The following ERBIN variants were observed in gnomAD, a reference collection of about 807,000 sequenced individuals.
The protein encoded by ERBIN is erbb2 interacting protein.
Under a neutral mutation model 158.4 loss-of-function variants are expected in ERBIN, and 60 were observed. The ratio of observed to expected loss-of-function variants is 0.38; its 90% CI spans 0.31 to 0.47. The LOEUF is 0.47. ERBIN is among the 20% of genes least tolerant of loss of function. The pLI, the probability that ERBIN is intolerant of heterozygous loss-of-function variation, is 0.99. For missense variants in ERBIN, 1,610 were observed against 1,648.0 expected (o/e 0.98, Z 0.40); for synonymous variants, 594 against 557.2 (o/e 1.07, Z -0.93).
At chr5:66,062,132 A>AGG (rs897865954) in intron 21 of ERBIN, among the ~76,000 whole-genome samples, 9 of 136,094 alleles carry the variant, frequency 6.6e-5, no homozygotes, top group African/African-American at 3.4e-4. Context: ...AATATCCTGC[A>AGG]GTGTTTTCCA....
chr5:66,031,085 ACCTAGAAAATTTC>A (rs1756821544), intron 14 of ERBIN, among the ~76,000 whole-genome samples: 2 of 152,206 alleles, frequency 1.3e-5, no homozygotes, highest in South Asian at 4.1e-4. Context: ...AATCAGATAT[ACCTAGAAAATTTC>A]CCTTACCCTT....
At chr5:65,981,625 A>G (rs1402921048) in intron 1 of ERBIN, among the ~76,000 whole-genome samples, 1 of 151,734 alleles carries the variant, frequency 6.6e-6, no homozygotes, top group African/African-American at 2.4e-5. Flanking sequence ...CTATTTAAAA[A>G]TTTTGTTTTA....
rs1182419733 is a variant in ERBIN at position 66,076,642 on chromosome 5, T to C, written c.4057-233T>C. 1.7e-5 allele frequency: 10 copies of C among 597,742 alleles called. No homozygotes were observed. In the South Asian group the frequency reaches 1.8e-4, roughly 11 times the overall value. 37.0% of individuals were successfully genotyped at this position (597,742 alleles called of 1,614,324 possible). A position where few individuals can be genotyped will look rare whatever the true frequency, so the allele number is the denominator to read the frequency against. ...AATGAAATGATTTTTAACTTTCTTA[T>C]TGCTTTTTCACACACCTATAAAAGT... is the stretch of plus-strand genomic sequence containing the variant. On this transcript the variant is annotated intron_variant, in intron 24 of 25. Transcript: ENST00000284037.
chr5:65,977,120 G>T (rs1481591748), intron 1 of ERBIN, among the ~76,000 whole-genome samples: 4 of 150,512 alleles, frequency 2.7e-5, no homozygotes, highest in African/African-American at 9.8e-5. Flanking sequence ...TCACCTCCCG[G>T]ACGGGGCGGC....
intron 1 of ERBIN, among the ~76,000 whole-genome samples, chr5:65,930,953 C>T (rs1240195935): frequency 6.6e-6 from 1 of 152,138 alleles, no homozygotes; most frequent in African/African-American, 2.4e-5. Flanking sequence ...GTTCCAGACA[C>T]CATTGAATGA....
chr5:66,006,763 T>C (rs1753646439), intron 4 of ERBIN, among the ~76,000 whole-genome samples: 1 of 151,998 alleles, frequency 6.6e-6, no homozygotes, highest in South Asian at 2.1e-4. Flanking sequence ...AGAAGACACT[T>C]ATGCAGCCAA....
intron 5 of ERBIN, among the ~76,000 whole-genome samples, chr5:66,012,791 C>CTT (rs1273191706): frequency 6.6e-6 from 1 of 152,216 alleles, no homozygotes; most frequent in Non-Finnish European, 1.5e-5. Flanking sequence ...TAGATCTTTA[C>CTT]TTGTTTCATA....
chr5:65,938,610 TGGCGCAATCTG>T (rs1744380332), intron 1 of ERBIN, among the ~76,000 whole-genome samples: 2 of 152,282 alleles, frequency 1.3e-5, no homozygotes, highest in South Asian at 4.1e-4. Flanking sequence ...TGGATTGCAG[TGGCGCAATCTG>T]GGCTCATTGC....
At chr5:65,979,990 T>C (rs1310968224) in intron 1 of ERBIN, among the ~76,000 whole-genome samples, 1 of 152,098 alleles carries the variant, frequency 6.6e-6, no homozygotes, top group Non-Finnish European at 1.5e-5. Flanking sequence ...CTATGATGAA[T>C]GAAGAATGTA....
intron 4 of ERBIN, among the ~76,000 whole-genome samples, chr5:66,005,918 A>G (rs532887250): frequency 1.2e-4 from 18 of 152,334 alleles, no homozygotes; most frequent in African/African-American, 3.6e-4. Flanking sequence ...ATGGAAGAAC[A>G]TTCCATGCTC....
intron 1 of ERBIN, among the ~76,000 whole-genome samples, chr5:65,947,883 T>C (rs1219315114): frequency 6.6e-6 from 1 of 151,936 alleles, no homozygotes; most frequent in Non-Finnish European, 1.5e-5. Context: ...GGCAGGTGCC[T>C]GTAATCCCAG....
chr5:66,029,569 T>TCTGTCCTGTCCTGTC (rs545193447), intron 14 of ERBIN, among the ~76,000 whole-genome samples: 43 of 144,996 alleles, frequency 3.0e-4, no homozygotes, highest in African/African-American at 1.2e-3. Flanking sequence ...TCTGTTCTGT[T>TCTGTCCTGTCCTGTC]CTGTCCTGTC....
chr5:65,948,964 A>G (rs1273266487), intron 1 of ERBIN, among the ~76,000 whole-genome samples: 1 of 151,714 alleles, frequency 6.6e-6, no homozygotes, highest in African/African-American at 2.4e-5. Flanking sequence ...GGGTTTCACC[A>G]TGTTGGCCAG....
intron 1 of ERBIN, among the ~76,000 whole-genome samples, chr5:65,968,542 CT>C (rs904864448): frequency 2.1e-4 from 32 of 152,256 alleles, no homozygotes; most frequent in African/African-American, 6.3e-4. Flanking sequence ...TGCATTATTA[CT>C]TTTATTTAAT....
intron 7 of ERBIN, 22 bp from the exon 8 acceptor site, chr5:66,021,300 T>G (rs1755658164): frequency 2.0e-6 from 3 of 1,499,822 alleles, no homozygotes; most frequent in Non-Finnish European, 2.7e-6. Context: ...TAGTTAATTT[T>G]TCATTACTCC....
chr5:66,063,793 A>G (rs1760713116), intron 21 of ERBIN, among the ~76,000 whole-genome samples: 1 of 152,182 alleles, frequency 6.6e-6, no homozygotes, highest in East Asian at 1.9e-4. Flanking sequence ...ATCTTGAATA[A>G]TTTTCTGTTA....
intron 7 of ERBIN, among the ~76,000 whole-genome samples, chr5:66,020,188 A>T (rs1052202130): frequency 1.3e-5 from 2 of 152,100 alleles, no homozygotes; most frequent in Non-Finnish European, 2.9e-5. Flanking sequence ...ACAGAATGGC[A>T]TATTTAAAAT....
At chr5:66,065,820 A>G (rs1285361374) in intron 21 of ERBIN, among the ~76,000 whole-genome samples, 1 of 152,164 alleles carries the variant, frequency 6.6e-6, no homozygotes, top group Non-Finnish European at 1.5e-5. Context: ...TTTCAAGTTG[A>G]CACAATAAAT....
intron 3 of ERBIN, among the ~76,000 whole-genome samples, chr5:65,993,544 A>T (rs929837543): frequency 1.3e-5 from 2 of 151,704 alleles, no homozygotes; most frequent in African/African-American, 4.9e-5. Flanking sequence ...TCATTATCCT[A>T]TTTCAATTTT....
Sources: gnomAD v4.1 joint callset for allele counts (sites outside exome capture counted in the v4.1 genomes callset) on GRCh38, gnomAD v4.1.1 for gene constraint, MANE v1.5 for transcripts, NCBI Gene and HGNC (gene_info 2026-07-23, HGNC 2026-07-21) for gene names.